CACNA1S: variants seen among roughly 807,000 people sequenced by gnomAD.
CACNA1S encodes voltage-dependent L-type calcium channel subunit alpha-1S.
A neutral mutation model predicts 207.4 loss-of-function variants in CACNA1S; 126 were observed. The ratio of observed to expected loss-of-function variants is 0.61; its 90% CI spans 0.53 to 0.70. The LOEUF is 0.70. Ranked by LOEUF, CACNA1S falls within the 30% of genes least tolerant of loss-of-function variation. The pLI, the probability that CACNA1S is intolerant of heterozygous loss-of-function variation, is 0.00. For missense variants in CACNA1S, 2,349 were observed against 2,422.8 expected (o/e 0.97, Z 0.64); for synonymous variants, 960 against 932.7 (o/e 1.03, Z -0.53).
chr1:201,057,853 CT>C (rs1660900985), intron 28 of CACNA1S, among the ~76,000 whole-genome samples: 1 of 152,192 alleles, frequency 6.6e-6, no homozygotes, highest in Admixed American at 6.5e-5. Context: ...TCCCACTGCC[CT>C]GTTTAAAAAC....
intron 2 of CACNA1S, among the ~76,000 whole-genome samples, chr1:201,098,988 A>T (rs1331833487): frequency 6.6e-6 from 1 of 152,084 alleles, no homozygotes; most frequent in African/African-American, 2.4e-5. Flanking sequence ...GGGGCATTGG[A>T]GCCAGGTACT....
chr1:201,055,609 C>A (rs1429038698), intron 28 of CACNA1S, among the ~76,000 whole-genome samples: 1 of 152,210 alleles, frequency 6.6e-6, no homozygotes, highest in African/African-American at 2.4e-5. Flanking sequence ...CTCTAGCCAC[C>A]TTTCCAGTGA....
At chr1:201,080,472 G>A (rs1425752140) in intron 10 of CACNA1S, among the ~76,000 whole-genome samples, 3 of 152,176 alleles carry the variant, frequency 2.0e-5, no homozygotes, top group Non-Finnish European at 4.4e-5. Flanking sequence ...GTGCTCTCGA[G>A]AAGATTGGTT....
chr1:201,072,848 A>G (rs944192419), intron 15 of CACNA1S, 24 bp from the exon 16 acceptor site: 18 of 1,597,364 alleles, frequency 1.1e-5, no homozygotes, highest in African/African-American at 4.0e-5. Context: ...CACAATGACT[A>G]TAACAATGAA....
At chr1:201,064,035 G>A (rs1341759111) in intron 22 of CACNA1S, among the ~76,000 whole-genome samples, 1 of 152,222 alleles carries the variant, frequency 6.6e-6, no homozygotes, top group Non-Finnish European at 1.5e-5. Context: ...TTTAATGAGA[G>A]ACAAAAGCAT....
intron 10 of CACNA1S, among the ~76,000 whole-genome samples, chr1:201,082,608 C>T (rs1387686728): frequency 2.6e-5 from 4 of 152,194 alleles, no homozygotes; most frequent in Admixed American, 2.0e-4. Flanking sequence ...TTACCTCTAT[C>T]ATTGCCCTCC....
Position 201,091,832 on chromosome 1 carries a change from C to G in CACNA1S, c.542-40G>C, listed in dbSNP as rs530229662. The G allele has an allele frequency of 3.7e-6, 6 of 1,600,892 alleles. No homozygotes were observed. In the South Asian group the frequency reaches 6.7e-5, roughly 18 times the overall value. Reference sequence around the variant, plus strand: ...AGGGAAGGGAAAAGAGGAGTCGCCTCTGCTTGGTCTCTTGGCCCTCCCTCC... The same window carrying G: ...AGGGAAGGGAAAAGAGGAGTCGCCTGTGCTTGGTCTCTTGGCCCTCCCTCC... On this transcript the variant is annotated intron_variant, in intron 4 of 43. Coordinates refer to ENST00000362061, the MANE Select transcript of CACNA1S (RefSeq NM_000069.3).
chr1:201,080,031 C>T (rs543250975), intron 10 of CACNA1S, among the ~76,000 whole-genome samples: 1 of 152,106 alleles, frequency 6.6e-6, no homozygotes. Context: ...GATGAAACAG[C>T]GAGTCATTGA....
chr1:201,044,824 GCTTA>G (rs1319852847), intron 38 of CACNA1S, among the ~76,000 whole-genome samples: 1 of 152,110 alleles, frequency 6.6e-6, no homozygotes, highest in Non-Finnish European at 1.5e-5. Context: ...GCTTCGTATG[GCTTA>G]CTTGTTTCTT....
At chr1:201,077,419 C>T (rs1281769935) in intron 11 of CACNA1S, among the ~76,000 whole-genome samples, 5 of 152,224 alleles carry the variant, frequency 3.3e-5, no homozygotes, top group Non-Finnish European at 5.9e-5. Context: ...TGTGCACCCT[C>T]GATGCCCTGT....
chr1:201,075,734 T>C, intron 12 of CACNA1S, 119 bp from the exon 13 acceptor site: 3 of 1,168,944 alleles, frequency 2.6e-6, no homozygotes, highest in Non-Finnish European at 3.8e-6. Context: ...TTCCCTCTTT[T>C]CATTCCACAG....
At chr1:201,049,144 C>A in intron 34 of CACNA1S, 45 bp from the exon 35 acceptor site, 1 of 1,340,124 alleles carries the variant, frequency 7.5e-7, no homozygotes, top group Non-Finnish European at 1.1e-6. Flanking sequence ...CCCTCCTCCG[C>A]TGCCAGAACC....
intron 33 of CACNA1S, 115 bp downstream of exon 33, chr1:201,050,869 T>C (rs776022354): frequency 8.9e-7 from 1 of 1,118,080 alleles, no homozygotes; most frequent in Non-Finnish European, 1.4e-6. Flanking sequence ...GCCTCCTGCG[T>C]CCCCGAGATG....
At chr1:201,068,376 G>C (rs935491858) in intron 19 of CACNA1S, among the ~76,000 whole-genome samples, 3 of 150,054 alleles carry the variant, frequency 2.0e-5, no homozygotes, top group Non-Finnish European at 3.0e-5. Flanking sequence ...CTGAGTAGTT[G>C]GGATTACAGG....
chr1:201,070,065 T>C (rs781654008), intron 17 of CACNA1S, among the ~76,000 whole-genome samples: 1 of 152,260 alleles, frequency 6.6e-6, no homozygotes, highest in Non-Finnish European at 1.5e-5. Flanking sequence ...AACAGGTCCC[T>C]CTTAGGTGTA....
rs1310927239 is a variant in CACNA1S, at chr1:201,051,054, T to A, written c.4043A>T (p.Glu1348Val). The A allele has an allele frequency of 6.2e-7, 1 of 1,614,110 alleles. No homozygotes were observed. The highest frequency in any genetic ancestry group is 1.3e-5 in the African/African-American group (1 of 75,030). Residue 1348 changes from glutamate (E) to valine (V), a missense_variant, in exon 33 of 44, where the codon GAG becomes GTG. Transcript: ENST00000362061. The part of the protein sequence containing the change: ...CDPESDYAPG[E>V]EYTCGTNFAY... ...AAAGTTGGTGCCACATGTGTACTCC[T>A]CCCCTGGGGCATAGTCCGACTCTGG...
intron 7 of CACNA1S, among the ~76,000 whole-genome samples, chr1:201,087,402 C>T (rs921692034): frequency 6.6e-6 from 1 of 152,134 alleles, no homozygotes; most frequent in Non-Finnish European, 1.5e-5. Context: ...AAAGCCCCAC[C>T]GCCTCTTAGT....
intron 38 of CACNA1S, among the ~76,000 whole-genome samples, chr1:201,046,098 C>T (rs1660458953): frequency 6.6e-6 from 1 of 151,936 alleles, no homozygotes; most frequent in South Asian, 2.1e-4. Context: ...AGAAATAAAA[C>T]CAGATAAGAT....
chr1:201,083,771 C>T (rs907183368), intron 9 of CACNA1S, among the ~76,000 whole-genome samples: 2 of 152,306 alleles, frequency 1.3e-5, no homozygotes, highest in African/African-American at 2.4e-5. Flanking sequence ...AGTCTATATG[C>T]TCTGTTTATT....
Sources: gnomAD v4.1 joint callset for allele counts (sites outside exome capture counted in the v4.1 genomes callset) on GRCh38, gnomAD v4.1.1 for gene constraint, MANE v1.5 for transcripts, NCBI Gene and HGNC (gene_info 2026-07-23, HGNC 2026-07-21) for gene names.